Variants in ASTN1 observed in about 807,000 individuals in gnomAD.
ASTN1 encodes the protein astrotactin-1.
In ASTN1, 41 loss-of-function variants were observed where a neutral mutation model predicts 140.7. The observed-to-expected ratio is 0.29, with a 90% confidence interval of 0.23 to 0.38. The LOEUF (loss-of-function observed/expected upper bound fraction) is 0.38. ASTN1 is among the 10% of genes least tolerant of loss of function. ASTN1 has a pLI of 1.00. For missense variants in ASTN1, 1,479 were observed against 1,678.8 expected, an observed-to-expected ratio of 0.88 and a Z score of 2.08; for synonymous variants, 640 against 652.2, an observed-to-expected ratio of 0.98 and a Z score of 0.29.
intron 1 of ASTN1, among the ~76,000 whole-genome samples, chr1:177,076,442 AT>A (rs1678916944): frequency 1.3e-5 from 2 of 152,036 alleles, no homozygotes; most frequent in Admixed American, 1.3e-4. Context: ...CTTGGTCATA[AT>A]GAAGGGCCAG....
intron 17 of ASTN1, among the ~76,000 whole-genome samples, chr1:176,892,589 T>C (rs950254740): frequency 4.6e-5 from 7 of 152,220 alleles, no homozygotes; most frequent in Admixed American, 6.5e-5. Context: ...TGGTTCATTA[T>C]ATGGTTTGAC....
At chr1:176,956,538 T>C (rs1449277634) in intron 11 of ASTN1, among the ~76,000 whole-genome samples, 2 of 152,138 alleles carry the variant, frequency 1.3e-5, no homozygotes, top group African/African-American at 4.8e-5. Flanking sequence ...GAAAGAGAGA[T>C]GGGGCACCAT....
rs776621033 is a variant in ASTN1 at position 176,861,406 on chromosome 1, G to A, written c.*2878C>T. ...CATGGGAGCTGGGAGAGTGTTGGTG[G>A]GATATAAGCACCTCCCTTAAGACCT... On this transcript the variant is annotated 3_prime_UTR_variant, in exon 23 of 23. Transcript: ENST00000361833. The A allele has an allele frequency of 3.4e-5, 34 of 985,652 alleles. No homozygotes were observed. Among genetic ancestry groups the A allele is most frequent in the Non-Finnish European group, 4.0e-5 (33 of 829,918 alleles). The allele number at this position is 985,652 out of a possible 1,614,324, so 61.1% of individuals were successfully genotyped here. A position where few individuals can be genotyped will look rare whatever the true frequency, so the allele number is the denominator to read the frequency against.
At chr1:176,883,498 C>A (rs556952641) in intron 19 of ASTN1, among the ~76,000 whole-genome samples, 2 of 152,214 alleles carry the variant, frequency 1.3e-5, no homozygotes, top group Middle Eastern at 3.4e-3. Context: ...CTGGCCTGGG[C>A]GCTCCTTTAT....
chr1:176,861,317 A>C lies in ASTN1; in HGVS notation c.*2967T>G, dbSNP rs1667952347. ...ATGGAAAACGATTGCACACTCAATTAAAAGTCTAATGCTATTACAGTGGTT... is the reference window on the plus strand; with the variant it reads ...ATGGAAAACGATTGCACACTCAATTCAAAGTCTAATGCTATTACAGTGGTT... On this transcript the variant is annotated 3_prime_UTR_variant, in exon 23 of 23. Transcript: ENST00000361833. The C allele has an allele frequency of 1.0e-6, 1 of 985,780 alleles. No homozygotes were observed. Among genetic ancestry groups the C allele is most frequent in the South Asian group, 4.7e-5 (1 of 21,296 alleles). 61.1% of individuals were successfully genotyped at this position (985,780 alleles called of 1,614,324 possible). A position where few individuals can be genotyped will look rare whatever the true frequency, so the allele number is the denominator to read the frequency against.
intron 1 of ASTN1, among the ~76,000 whole-genome samples, chr1:177,110,197 A>G (rs1680755918): frequency 6.6e-6 from 1 of 152,260 alleles, no homozygotes; most frequent in East Asian, 1.9e-4. Flanking sequence ...ACTAGGTCAG[A>G]ATTTTATTGC....
rs1381302426 is a variant in ASTN1, at chr1:176,864,271, T to C, written c.*13A>G. On this transcript the variant is annotated 3_prime_UTR_variant, in exon 23 of 23. Transcript: ENST00000361833. ...CTACTTCATTCTGGCAGCAGCTCCC[T>C]GGCCTTATGGTGCTAGATCTCTTTG... 3.7e-6 allele frequency: 6 copies of C among 1,611,904 alleles called. No individual in the cohort carries two copies. In the African/African-American group the frequency reaches 5.3e-5, roughly 14 times the overall value.
chr1:176,907,239 G>A (rs979770213), intron 16 of ASTN1, among the ~76,000 whole-genome samples: 1 of 152,124 alleles, frequency 6.6e-6, no homozygotes, highest in African/African-American at 2.4e-5. Flanking sequence ...AACATGTTGA[G>A]ATCCACCACC....
chr1:177,148,121 C>A (rs934648378), intron 1 of ASTN1, among the ~76,000 whole-genome samples: 2 of 152,072 alleles, frequency 1.3e-5, no homozygotes, highest in Non-Finnish European at 2.9e-5. Flanking sequence ...TTTTGTCTTA[C>A]AATCGAAAAT....
At chr1:177,000,801 T>C (rs973551513) in intron 8 of ASTN1, among the ~76,000 whole-genome samples, 4 of 152,340 alleles carry the variant, frequency 2.6e-5, no homozygotes, top group Non-Finnish European at 4.4e-5. Flanking sequence ...CTTCAAATAA[T>C]GTAGCCCACA....
intron 7 of ASTN1, among the ~76,000 whole-genome samples, chr1:177,019,600 G>C (rs186877237): frequency 6.6e-6 from 1 of 152,336 alleles, no homozygotes; most frequent in Admixed American, 6.5e-5. Flanking sequence ...AAATTGGAAA[G>C]CCTTTGGGCA....
intron 1 of ASTN1, among the ~76,000 whole-genome samples, chr1:177,069,593 A>G (rs1047065113): frequency 1.3e-5 from 2 of 152,178 alleles, no homozygotes; most frequent in Non-Finnish European, 2.9e-5. Context: ...AGGTCACTCT[A>G]CGCTACTCTG....
intron 1 of ASTN1, among the ~76,000 whole-genome samples, chr1:177,156,042 C>G (rs527332516): frequency 1.3e-5 from 2 of 151,880 alleles, no homozygotes; most frequent in African/African-American, 4.8e-5. Context: ...GAGGCTGAGG[C>G]GGGCAGATCA....
rs141211532 is a variant in ASTN1 at position 176,866,632 on chromosome 1, G to C, written c.3648-2111C>G. Among the ~76,000 whole-genome samples, 437 of 151,846 alleles carry C rather than the reference G, an allele frequency of 2.9e-3. 1 individual carries two copies. The highest frequency in any genetic ancestry group is 9.9e-3 in the African/African-American group (410 of 41,232). ...TAAATTAGTCCACACAGCCTTCGTTGCTGCTTTCAGTGCTCACTTTAAATA... is the reference window on the plus strand; with the variant it reads ...TAAATTAGTCCACACAGCCTTCGTTCCTGCTTTCAGTGCTCACTTTAAATA... On this transcript the variant is annotated intron_variant, in intron 22 of 22. Coordinates refer to ENST00000361833, the MANE Select transcript of ASTN1 (RefSeq NM_004319.3).
At chr1:176,887,639 C>A (rs1331556183) in intron 18 of ASTN1, among the ~76,000 whole-genome samples, 1 of 152,140 alleles carries the variant, frequency 6.6e-6, no homozygotes, top group Non-Finnish European at 1.5e-5. Context: ...CATACAATGC[C>A]TGGCACCCAG....
At chr1:177,154,743 A>C (rs1683171858) in intron 1 of ASTN1, among the ~76,000 whole-genome samples, 1 of 152,002 alleles carries the variant, frequency 6.6e-6, no homozygotes, top group Non-Finnish European at 1.5e-5. Flanking sequence ...GAAAACTGAG[A>C]GAAGGTATAA....
At chr1:177,154,149 A>G (rs1683149615) in intron 1 of ASTN1, among the ~76,000 whole-genome samples, 1 of 152,198 alleles carries the variant, frequency 6.6e-6, no homozygotes. Flanking sequence ...CTGGAGTATT[A>G]TTTGTAGTGA....
At chr1:176,916,163 C>T (rs926758390) in intron 16 of ASTN1, among the ~76,000 whole-genome samples, 3 of 152,090 alleles carry the variant, frequency 2.0e-5, no homozygotes, top group Non-Finnish European at 2.9e-5. Context: ...AGGTTGTGTT[C>T]GAATAACGGC....
intron 1 of ASTN1, among the ~76,000 whole-genome samples, chr1:177,137,203 G>T (rs1682244524): frequency 6.6e-6 from 1 of 152,142 alleles, no homozygotes; most frequent in African/African-American, 2.4e-5. Flanking sequence ...AAACAGAGAG[G>T]TATTAATAAC....
Sources: allele counts gnomAD v4.1 joint callset (sites outside exome capture counted in the v4.1 genomes callset), GRCh38; gene constraint gnomAD v4.1.1; transcripts MANE v1.5; gene names NCBI Gene and HGNC (gene_info 2026-07-23, HGNC 2026-07-21).